The following MCTP1 variants were observed in gnomAD, a reference collection of about 807,000 sequenced individuals.
MCTP1 encodes multiple C2 and transmembrane domain-containing protein 1.
MCTP1 carries 69 observed loss-of-function variants against 120.6 expected under a neutral mutation model. The ratio of observed to expected loss-of-function variants is 0.57; its 90% CI spans 0.47 to 0.70. The LOEUF is 0.70. MCTP1 is among the 30% of genes least tolerant of loss of function. The pLI is 0.00. For missense variants in MCTP1, 1,203 were observed against 1,248.8 expected, an observed-to-expected ratio of 0.96 and a Z score of 0.55; for synonymous variants, 529 against 493.1, an observed-to-expected ratio of 1.07 and a Z score of -0.96.
intron 1 of MCTP1, among the ~76,000 whole-genome samples, chr5:95,036,942 C>T (rs1054785235): frequency 5.9e-5 from 5 of 84,576 alleles, no homozygotes; most frequent in Non-Finnish European, 8.4e-5. Context: ...TTTTTAATCC[C>T]ATATTGGATA....
At chr5:95,154,977 T>C (rs1205695090) in intron 1 of MCTP1, among the ~76,000 whole-genome samples, 1 of 152,100 alleles carries the variant, frequency 6.6e-6, no homozygotes, top group Non-Finnish European at 1.5e-5. Flanking sequence ...AAGAGCACGG[T>C]TTAGACACTA....
intron 19 of MCTP1, among the ~76,000 whole-genome samples, chr5:94,750,983 TC>T (rs879845633): frequency 1.1e-4 from 16 of 152,142 alleles, no homozygotes; most frequent in African/African-American, 1.7e-4. Flanking sequence ...TGGGCAGGAT[TC>T]CTTTGGAAAG....
intron 1 of MCTP1, among the ~76,000 whole-genome samples, chr5:95,073,973 G>A (rs1052805471): frequency 5.9e-5 from 9 of 152,078 alleles, no homozygotes; most frequent in Non-Finnish European, 1.3e-4. Flanking sequence ...AAATTTGGCC[G>A]GGCGTGGTGG....
chr5:94,851,891 G>A (rs1310149202), intron 17 of MCTP1, among the ~76,000 whole-genome samples: 4 of 151,696 alleles, frequency 2.6e-5, no homozygotes, highest in Non-Finnish European at 4.4e-5. Flanking sequence ...TAACCTACAG[G>A]TGTTTTCTTT....
intron 19 of MCTP1, among the ~76,000 whole-genome samples, chr5:94,721,087 T>C (rs1561526751): frequency 6.6e-6 from 1 of 152,092 alleles, no homozygotes. Flanking sequence ...AAGAATTCCT[T>C]TGAGATAAAG....
chr5:95,178,775 C>T (rs1448329997), intron 1 of MCTP1, among the ~76,000 whole-genome samples: 1 of 152,160 alleles, frequency 6.6e-6, no homozygotes, highest in African/African-American at 2.4e-5. Context: ...GTTTCTTTAA[C>T]ATCCCCAAAA....
chr5:95,034,209 A>G (rs1840821415), intron 1 of MCTP1, among the ~76,000 whole-genome samples: 1 of 152,064 alleles, frequency 6.6e-6, no homozygotes, highest in Non-Finnish European at 1.5e-5. Flanking sequence ...TTTTCATGGA[A>G]TTAGAAAAAA....
intron 19 of MCTP1, among the ~76,000 whole-genome samples, chr5:94,770,842 A>G (rs1451800248): frequency 6.6e-6 from 1 of 152,194 alleles, no homozygotes; most frequent in Non-Finnish European, 1.5e-5. Flanking sequence ...TATGAATTCG[A>G]CAAGGATTTT....
At chr5:95,055,821 T>G (rs1747242499) in intron 1 of MCTP1, among the ~76,000 whole-genome samples, 1 of 152,174 alleles carries the variant, frequency 6.6e-6, no homozygotes, top group Non-Finnish European at 1.5e-5. Flanking sequence ...GGGCAGGGTT[T>G]TGGAGATAAT....
intron 17 of MCTP1, among the ~76,000 whole-genome samples, chr5:94,809,156 A>G (rs1415791133): frequency 4.6e-5 from 7 of 152,152 alleles, no homozygotes; most frequent in Admixed American, 3.9e-4. Context: ...GCTATCAACT[A>G]ATCATAGCAT....
intron 19 of MCTP1, among the ~76,000 whole-genome samples, chr5:94,721,847 T>TTG (rs201686765): frequency 1.5e-4 from 22 of 149,554 alleles, no homozygotes; most frequent in African/African-American, 5.2e-4. Flanking sequence ...CTGTTTTGTT[T>TTG]TTTTTTTTTT....
At chr5:94,758,544 G>A (rs1345697686) in intron 19 of MCTP1, among the ~76,000 whole-genome samples, 2 of 152,144 alleles carry the variant, frequency 1.3e-5, no homozygotes, top group African/African-American at 2.4e-5. Context: ...TGTAGGTAAC[G>A]AAGTCAGTCA....
chr5:95,153,912 T>C (rs978083654), intron 1 of MCTP1, among the ~76,000 whole-genome samples: 1 of 152,208 alleles, frequency 6.6e-6, no homozygotes, highest in Non-Finnish European at 1.5e-5. Context: ...TGTTTGTCTT[T>C]CTAAAATCAA....
At chr5:94,754,422 A>C (rs1769244257) in intron 19 of MCTP1, among the ~76,000 whole-genome samples, 1 of 152,240 alleles carries the variant, frequency 6.6e-6, no homozygotes, top group Non-Finnish European at 1.5e-5. Context: ...ACAGAGTTTT[A>C]AATCTCAATA....
intron 1 of MCTP1, among the ~76,000 whole-genome samples, chr5:95,201,671 G>C (rs1418905726): frequency 6.6e-6 from 1 of 151,272 alleles, no homozygotes; most frequent in African/African-American, 2.4e-5. Flanking sequence ...TGCCTGGCTA[G>C]TTTTTGTATT....
intron 19 of MCTP1, among the ~76,000 whole-genome samples, chr5:94,741,342 T>G (rs964453344): frequency 1.3e-5 from 2 of 152,220 alleles, no homozygotes; most frequent in Non-Finnish European, 2.9e-5. Context: ...GAACACTCGT[T>G]TATTCATTTC....
At chr5:95,051,786 C>CA (rs894873607) in intron 1 of MCTP1, among the ~76,000 whole-genome samples, 8 of 151,834 alleles carry the variant, frequency 5.3e-5, no homozygotes, top group Non-Finnish European at 1.0e-4. Flanking sequence ...AATACAGGAA[C>CA]AAAAAAACAA....
intron 19 of MCTP1, among the ~76,000 whole-genome samples, chr5:94,724,444 G>A (rs910792746): frequency 7.4e-5 from 11 of 148,730 alleles, no homozygotes; most frequent in Non-Finnish European, 1.5e-4. Context: ...TAGAGACAGG[G>A]TCTTGCTGTG....
At chr5:95,035,986 T>C (rs1024309876) in intron 1 of MCTP1, among the ~76,000 whole-genome samples, 18 of 152,136 alleles carry the variant, frequency 1.2e-4, no homozygotes, top group Non-Finnish European at 1.2e-4. Context: ...ATAGTATTTA[T>C]TGGACCTGAG....
Sources: gnomAD v4.1 joint callset for allele counts (sites outside exome capture counted in the v4.1 genomes callset) on GRCh38, gnomAD v4.1.1 for gene constraint, MANE v1.5 for transcripts, NCBI Gene and HGNC (gene_info 2026-07-23, HGNC 2026-07-21) for gene names.